The following OLFM1 variants were observed in gnomAD, a reference collection of about 807,000 sequenced individuals.
OLFM1 encodes the protein olfactomedin 1.
A neutral mutation model predicts 49.7 loss-of-function variants in OLFM1; 9 were observed. The ratio of observed to expected loss-of-function variants is 0.18; its 90% CI spans 0.11 to 0.32. OLFM1 has a LOEUF of 0.32. Ranked by LOEUF, OLFM1 falls within the 10% of genes least tolerant of loss-of-function variation. OLFM1 has a pLI of 1.00. For synonymous variants in OLFM1, 240 were observed against 271.8 expected (o/e 0.88, Z 1.15); for missense variants, 369 against 661.8 (o/e 0.56, Z 4.85).
exon 1 of OLFM1, chr9:135,075,678 C>CGCCG (rs1588197803): frequency 2.6e-6 from 4 of 1,533,160 alleles, no homozygotes; most frequent in Non-Finnish European, 3.5e-6. Context: ...TCCACGCAGC[C>CGCCG]GCCGGCCGGC....
At position 135,104,980 on chromosome 9, in the gene OLFM1, G is replaced by T. The variant is rs1830921202; in HGVS notation, c.677-1769G>T. Among the ~76,000 whole-genome samples the T allele has an allele frequency of 2.0e-5, 3 of 152,108 alleles. 1 individual carries two copies. In the South Asian group the frequency reaches 6.2e-4, roughly 32 times the overall value. ...TTACTTCTCGTCCCCATAGACGCCGGTCAGCTGTGGCCATCTCCTCTCCAT... is the reference window on the plus strand; with the variant it reads ...TTACTTCTCGTCCCCATAGACGCCGTTCAGCTGTGGCCATCTCCTCTCCAT... On this transcript the variant is annotated intron_variant, in intron 4 of 5. Transcript: ENST00000371793.
chr9:135,118,411 T>TGTCTTTGGAGTGCTCGCTGG (rs1831127705), intron 5 of OLFM1, among the ~76,000 whole-genome samples: 2 of 105,244 alleles, frequency 1.9e-5, no homozygotes, highest in Non-Finnish European at 4.0e-5. Context: ...GTGCTCGCTG[T>TGTCTTTGGAGTGCTCGCTGG]GTCTTTGGAG....
At chr9:135,112,794 G>C (rs1226709334) in intron 5 of OLFM1, among the ~76,000 whole-genome samples, 1 of 152,184 alleles carries the variant, frequency 6.6e-6, no homozygotes, top group Non-Finnish European at 1.5e-5. Flanking sequence ...GGGCACAGAC[G>C]GACCACCACA....
upstream of OLFM1, among the ~76,000 whole-genome samples, chr9:135,083,875 C>G (rs1226288832): frequency 6.6e-6 from 1 of 152,222 alleles, no homozygotes; most frequent in African/African-American, 2.4e-5. Context: ...TAGCCGTTCT[C>G]CCTCCCGGGG....
At position 135,113,726 on chromosome 9, in the gene OLFM1, G is replaced by A. The variant is rs1457951618; in HGVS notation, c.784-5778G>A. ...AGTGGGGGTGCTGGGTCACAGTGAG[G>A]CGGCAAGGCCTCCCCTCCGGGCTCA... On this transcript the variant is annotated intron_variant, in intron 5 of 5. Transcript: ENST00000371793. The surrounding 1 kb of genome is among the most constrained non-coding windows in gnomAD (Gnocchi z 4.0). Among the ~76,000 whole-genome samples, 1 of 152,228 alleles carries A rather than the reference G, an allele frequency of 6.6e-6. No homozygotes were observed. The highest frequency in any genetic ancestry group is 2.4e-5 in the African/African-American group (1 of 41,470).
upstream of OLFM1, chr9:135,087,618 C>G (rs1830615795): frequency 1.5e-6 from 1 of 672,276 alleles, no homozygotes; most frequent in Middle Eastern, 3.9e-4. Context: ...CCCGCCCGGC[C>G]GAGCCCCGCC....
In OLFM1 at chr9:135,098,384, C is replaced by G; in HGVS notation, c.555C>G (p.Val185=). The G allele has an allele frequency of 6.2e-7, 1 of 1,613,920 alleles. No individual in the cohort carries two copies. The highest frequency in any genetic ancestry group is 8.5e-7 in the Non-Finnish European group (1 of 1,180,028). The change falls in exon 4 of 6, where the codon GTC becomes GTG. Residue 185 remains valine, a synonymous_variant. Coordinates refer to ENST00000371793, the MANE Select transcript of OLFM1 (RefSeq NM_001282611.2). The surrounding 1 kb of genome is among the most constrained non-coding windows in gnomAD (Gnocchi z 5.6). The part of the protein sequence containing the change: ...AKLVLQFKEE[V]QNLTSVLNEL... ...TGGTATTGCAGTTTAAAGAGGAGGT[C>G]CAGAATCTGACGTCAGTGCTTAACG...
At chr9:135,087,220 G>A, upstream of OLFM1, 1 of 1,402,376 alleles carries the variant, frequency 7.1e-7, no homozygotes, top group Middle Eastern at 2.6e-4. Context: ...TGCCCTGCCT[G>A]CTGGGTTTCA....
intron 5 of OLFM1, among the ~76,000 whole-genome samples, chr9:135,112,739 G>A (rs1041772120): frequency 9.8e-5 from 15 of 152,364 alleles, no homozygotes; most frequent in Middle Eastern, 3.4e-3. Flanking sequence ...TGTGGACACC[G>A]TGGTGTCCTG....
intron 4 of OLFM1, among the ~76,000 whole-genome samples, chr9:135,100,559 C>A (rs1035018168): frequency 6.6e-6 from 1 of 152,212 alleles, no homozygotes; most frequent in Non-Finnish European, 1.5e-5. Context: ...TGAATCAGAG[C>A]GTCTGCAGGT....
At chr9:135,116,056 T>A (rs552736252) in intron 5 of OLFM1, among the ~76,000 whole-genome samples, 19 of 152,210 alleles carry the variant, frequency 1.2e-4, no homozygotes, top group African/African-American at 4.3e-4. Flanking sequence ...TGGGGCCGCC[T>A]CCCCAGAGAG....
At chr9:135,082,861 C>T (rs898937459), upstream of OLFM1, among the ~76,000 whole-genome samples, 2 of 152,206 alleles carry the variant, frequency 1.3e-5, no homozygotes, top group African/African-American at 2.4e-5. Flanking sequence ...GTCCAGGCTC[C>T]ACAGGGCAGG....
chr9:135,108,851 G>A (rs1431935197), intron 5 of OLFM1, among the ~76,000 whole-genome samples: 1 of 152,090 alleles, frequency 6.6e-6, no homozygotes, highest in East Asian at 1.9e-4. Context: ...ACGCCCAGAG[G>A]CAGAAGGGTC....
chr9:135,116,232 C>G (rs1831094335), intron 5 of OLFM1, among the ~76,000 whole-genome samples: 1 of 152,178 alleles, frequency 6.6e-6, no homozygotes, highest in South Asian at 2.1e-4. Context: ...CTGAGTGCCT[C>G]TCTTTGCATG....
chr9:135,086,463 C>A (rs578044159), upstream of OLFM1: 26 of 375,142 alleles, frequency 6.9e-5, no homozygotes, highest in East Asian at 9.5e-4. Context: ...CTCAGGCGGG[C>A]GCCAGGGAGG....
chr9:135,086,792 T>C (rs695156), upstream of OLFM1: 7 of 446,140 alleles, frequency 1.6e-5, no homozygotes, highest in South Asian at 1.1e-4. Context: ...CCTGCCTCTG[T>C]GCCTGGGCGC....
intron 2 of OLFM1, among the ~76,000 whole-genome samples, chr9:135,091,927 TCA>T (rs1395304918): frequency 2.1e-5 from 3 of 145,602 alleles, no homozygotes; most frequent in African/African-American, 5.2e-5. Context: ...TCACACACGT[TCA>T]CACACACACA....
intron 1 of OLFM1, chr9:135,076,135 AG>A (rs758132429): frequency 3.4e-4 from 523 of 1,549,066 alleles, no homozygotes; most frequent in Non-Finnish European, 4.2e-4. Context: ...TGTCATCTGG[AG>A]GGGGAAGAGT....
rs762241069 is a variant in OLFM1 at position 135,120,155 on chromosome 9, G to A, written c.1435G>A (p.Val479Ile). Reference sequence around the variant, plus strand: ...CCTCTACAACGTGACCCTCTTCCACGTCATCCGCTCCGACGAGTTGTAGCT... The same window carrying A: ...CCTCTACAACGTGACCCTCTTCCACATCATCCGCTCCGACGAGTTGTAGCT... Reference protein sequence around the residue: ...QILYNVTLFHVIRSDEL With the variant: ...QILYNVTLFHIIRSDEL The change falls in exon 6 of 6, where the codon GTC becomes ATC. Residue 479 changes from valine to isoleucine, a missense_variant. Transcript: ENST00000371793. The A allele has an allele frequency of 8.7e-6, 14 of 1,612,520 alleles. No individual in the cohort carries two copies. Among genetic ancestry groups the A allele is most frequent in the African/African-American group, 4.0e-5 (3 of 74,876 alleles).
Sources: allele counts gnomAD v4.1 joint callset (sites outside exome capture counted in the v4.1 genomes callset), GRCh38; gene constraint gnomAD v4.1.1; non-coding constraint Gnocchi (gnomAD v3.1); transcripts MANE v1.5; gene names NCBI Gene and HGNC (gene_info 2026-07-23, HGNC 2026-07-21).